Variants in OCA2 observed in about 807,000 individuals in gnomAD.
OCA2 encodes the protein P protein.
A neutral mutation model predicts 100.2 loss-of-function variants in OCA2; 77 were observed. That is an observed-to-expected ratio of 0.77 (90% CI 0.64 to 0.93). The LOEUF is 0.93. Ranked by LOEUF, OCA2 falls within the 40% of genes least tolerant of loss-of-function variation. The pLI, the probability that OCA2 is intolerant of heterozygous loss-of-function variation, is 0.00. For missense variants in OCA2, 1,062 were observed against 1,089.1 expected (o/e 0.98, Z 0.35); for synonymous variants, 432 against 439.2 (o/e 0.98, Z 0.21).
chr15:28,015,607 C>T (rs1302996607), intron 8 of OCA2, among the ~76,000 whole-genome samples: 1 of 152,092 alleles, frequency 6.6e-6, no homozygotes, highest in African/African-American at 2.4e-5. Flanking sequence ...ACCTGTAAGC[C>T]AGGGGAGAGG....
At position 27,800,376 on chromosome 15, in the gene OCA2, AC is replaced by A. The variant is rs1326962248; in HGVS notation, c.2432+44582del. Among the ~76,000 whole-genome samples the A allele has an allele frequency of 2.0e-4, 30 of 152,318 alleles. No homozygotes were observed. The East Asian group carries it at 2.9e-3, about 15-fold the overall frequency. ...GGAGAAATCAATGAAATTTAAAAAA[AC>A]ACAGAATGAAATCGAAGGCATTTGT... On this transcript the variant is annotated intron_variant, in intron 23 of 23. Transcript: ENST00000354638.
At chr15:27,807,971 C>A (rs1326304241) in intron 23 of OCA2, among the ~76,000 whole-genome samples, 1 of 152,212 alleles carries the variant, frequency 6.6e-6, no homozygotes, top group Non-Finnish European at 1.5e-5. Context: ...CCTTGCTCCA[C>A]GACTTCACAC....
At chr15:27,738,666 C>A in the OCA2 span, among the ~76,000 whole-genome samples, 1 of 149,464 alleles carries the variant, frequency 6.7e-6, no homozygotes, top group African/African-American at 2.5e-5. Flanking sequence ...ATCCGGGAGG[C>A]AGAGCTTGCA....
At chr15:28,004,213 A>C (rs1365436101) in intron 9 of OCA2, among the ~76,000 whole-genome samples, 1 of 152,218 alleles carries the variant, frequency 6.6e-6, no homozygotes, top group Non-Finnish European at 1.5e-5. Context: ...AGACAGCAGA[A>C]GCTGCCGGCC....
At chr15:27,804,552 C>T (rs1019375926) in intron 23 of OCA2, among the ~76,000 whole-genome samples, 2 of 152,186 alleles carry the variant, frequency 1.3e-5, no homozygotes, top group South Asian at 2.1e-4. Context: ...GTAGAATGTT[C>T]TTTTTTGTTT....
chr15:27,759,551 G>C (rs961930055), intron 23 of OCA2, among the ~76,000 whole-genome samples: 1 of 151,954 alleles, frequency 6.6e-6, no homozygotes, highest in East Asian at 1.9e-4. Context: ...GTATATTTCA[G>C]AGCAAAGAAC....
chr15:27,952,755 C>T lies in OCA2; in HGVS notation c.1843-863G>A, dbSNP rs559111511. On this transcript the variant is annotated intron_variant, in intron 17 of 23. Transcript: ENST00000354638. Reference sequence around the variant, plus strand: ...GTGCAGTGGCACAGTCTCAGCTCAACGCAACCTCCGCCTCCCAGGGTCACG... The same window carrying T: ...GTGCAGTGGCACAGTCTCAGCTCAATGCAACCTCCGCCTCCCAGGGTCACG... Among the ~76,000 whole-genome samples, 24 of 152,114 alleles carry T rather than the reference C, an allele frequency of 1.6e-4. No individual in the cohort carries two copies. In the South Asian group the frequency reaches 2.1e-3, roughly 13 times the overall value.
intron 23 of OCA2, among the ~76,000 whole-genome samples, chr15:27,804,134 T>C (rs555203352): frequency 1.3e-5 from 2 of 152,246 alleles, no homozygotes; most frequent in African/African-American, 4.8e-5. Flanking sequence ...TGGCAGAATA[T>C]AGTAAAGTGA....
intron 23 of OCA2, among the ~76,000 whole-genome samples, chr15:27,795,009 A>C (rs2033266357): frequency 6.6e-6 from 1 of 152,196 alleles, no homozygotes; most frequent in South Asian, 2.1e-4. Flanking sequence ...TAGCATGGGA[A>C]GCAGGTGGGA....
In OCA2 at chr15:28,042,621, C is replaced by T. The variant is rs531358367; in HGVS notation, c.228-10458G>A. ...CACCACCGCACTCCAGCCTAGGTGG[C>T]ATAGTGTGACTCTGTCTCAAAGTAA... On this transcript the variant is annotated intron_variant, in intron 2 of 23. Transcript: ENST00000354638. Among the ~76,000 whole-genome samples the T allele has an allele frequency of 2.8e-3, 424 of 151,920 alleles. 1 individual carries two copies. The highest frequency in any genetic ancestry group is 0.01 in the Middle Eastern group (3 of 294).
chr15:27,833,094 G>A (rs1236372642), intron 23 of OCA2, among the ~76,000 whole-genome samples: 1 of 152,142 alleles, frequency 6.6e-6, no homozygotes, highest in Non-Finnish European at 1.5e-5. Context: ...GGGACTACAG[G>A]CATGAGCCAT....
intron 21 of OCA2, among the ~76,000 whole-genome samples, chr15:27,861,044 A>G (rs1435821550): frequency 6.6e-6 from 1 of 152,226 alleles, no homozygotes; most frequent in Non-Finnish European, 1.5e-5. Context: ...TTTGGAATGT[A>G]TTTGGGAACA....
intron 1 of OCA2, among the ~76,000 whole-genome samples, chr15:28,082,290 A>AC (rs1374664798): frequency 6.6e-6 from 1 of 152,144 alleles, no homozygotes; most frequent in Non-Finnish European, 1.5e-5. Context: ...AAGGCTGGCT[A>AC]CCCCAACACG....
intron 14 of OCA2, among the ~76,000 whole-genome samples, chr15:27,974,029 A>G (rs1478028261): frequency 2.0e-5 from 3 of 152,092 alleles, no homozygotes; most frequent in African/African-American, 7.2e-5. Flanking sequence ...GTGTACATTG[A>G]TTTTGTAACC....
At chr15:27,804,794 C>T (rs2033758188) in intron 23 of OCA2, among the ~76,000 whole-genome samples, 1 of 152,218 alleles carries the variant, frequency 6.6e-6, no homozygotes, top group Non-Finnish European at 1.5e-5. Flanking sequence ...GCCTTGGGAA[C>T]CACCAGCGTC....
At chr15:28,078,374 T>TC (rs1024160103) in intron 2 of OCA2, among the ~76,000 whole-genome samples, 2 of 152,174 alleles carry the variant, frequency 1.3e-5, no homozygotes, top group African/African-American at 4.8e-5. Context: ...CCTCCAGCAA[T>TC]CCCATCCCTG....
intron 23 of OCA2, among the ~76,000 whole-genome samples, chr15:27,761,402 C>T (rs1019197424): frequency 4.0e-5 from 6 of 150,702 alleles, no homozygotes; most frequent in African/African-American, 1.5e-4. Flanking sequence ...AAACTTAAAT[C>T]GTGTTTGTAA....
intron 14 of OCA2, among the ~76,000 whole-genome samples, chr15:27,970,776 G>A (rs2040754507): frequency 6.6e-6 from 1 of 152,126 alleles, no homozygotes; most frequent in African/African-American, 2.4e-5. Context: ...ATCCCAGCAT[G>A]CACAGTATGG....
chr15:27,968,701 C>T (rs375494451), intron 14 of OCA2, among the ~76,000 whole-genome samples: 4 of 152,058 alleles, frequency 2.6e-5, no homozygotes, highest in East Asian at 3.9e-4. Flanking sequence ...TTGCAGTTAC[C>T]GGCACATCCA....
Sources: gnomAD v4.1 joint callset for allele counts (sites outside exome capture counted in the v4.1 genomes callset) on GRCh38, gnomAD v4.1.1 for gene constraint, MANE v1.5 for transcripts, NCBI Gene and HGNC (gene_info 2026-07-23, HGNC 2026-07-21) for gene names.